The following DNAAF8 variants were observed in gnomAD, a reference collection of about 807,000 sequenced individuals.
DNAAF8 encodes the protein dynein axonemal assembly factor 8, also known as dynein axonemal-associated protein 1.
A neutral mutation model predicts 54.6 loss-of-function variants in DNAAF8; 61 were observed. The ratio of observed to expected loss-of-function variants is 1.12; its 90% CI spans 0.91 to 1.38. DNAAF8 has a LOEUF of 1.38. DNAAF8 is among the 40% of genes most tolerant of loss of function. DNAAF8 has a pLI of 0.00. For synonymous variants in DNAAF8, 320 were observed against 270.1 expected (o/e 1.18, Z -1.81); for missense variants, 837 against 665.0 (o/e 1.26, Z -2.85).
chr16:4,739,265 G>GTTTTTTGTTTTTTTTTTT (rs2081931651), intron 3 of DNAAF8, among the ~76,000 whole-genome samples: 1 of 69,030 alleles, frequency 1.4e-5, no homozygotes, highest in Non-Finnish European at 2.6e-5. Flanking sequence ...ATTTTTTCTT[G>GTTTTTTGTTTTTTTTTTT]TTTTTTTTTT....
intron 1 of DNAAF8, 139 bp from the exon 2 acceptor site, chr16:4,736,325 G>A (rs547426515): frequency 9.4e-5 from 47 of 500,712 alleles, no homozygotes; most frequent in Non-Finnish European, 1.3e-4. Context: ...ACTAACAGGA[G>A]CTTGCATAAC....
At chr16:4,735,932 G>T (rs2081889684) in intron 1 of DNAAF8, among the ~76,000 whole-genome samples, 1 of 152,110 alleles carries the variant, frequency 6.6e-6, no homozygotes, top group Non-Finnish European at 1.5e-5. Flanking sequence ...CTCTAGCCTG[G>T]GCGACAAAGC....
Position 4,740,608 on chromosome 16 carries a change from C to T in DNAAF8, c.732C>T (p.Ser244=). Residue 244 remains serine (S), a synonymous_variant, in exon 4 of 10, where the codon TCC becomes TCT. Coordinates refer to ENST00000299320, the MANE Select transcript of DNAAF8 (RefSeq NM_139170.3). ...PCHAAESAPR[S]KMPLVEPPEG... is the part of the protein sequence containing the mutation. ...ACGCTGCGGAGTCAGCTCCCAGATC[C>T]AAAATGCCCCTCGTGGAGCCTCCGG... 6.2e-7 allele frequency: 1 copy of T among 1,612,430 alleles called. No homozygotes were observed. Among genetic ancestry groups the T allele is most frequent in the East Asian group, 2.2e-5 (1 of 44,872 alleles).
intron 2 of DNAAF8, among the ~76,000 whole-genome samples, chr16:4,737,176 C>T (rs1186042381): frequency 1.3e-5 from 2 of 152,098 alleles, no homozygotes; most frequent in Admixed American, 6.6e-5. Flanking sequence ...GCTCAGTGCA[C>T]AGGTTGGCAC....
chr16:4,735,598 C>CT (rs1219952633), intron 1 of DNAAF8, among the ~76,000 whole-genome samples: 9 of 151,134 alleles, frequency 6.0e-5, no homozygotes, highest in East Asian at 3.9e-4. Flanking sequence ...CTTTAAGACT[C>CT]TAAGATATAA....
intron 1 of DNAAF8, 61 bp from the exon 2 acceptor site, chr16:4,736,403 C>G: frequency 1.7e-6 from 2 of 1,209,386 alleles, no homozygotes; most frequent in Non-Finnish European, 2.2e-6. Context: ...GGTAGAGCAG[C>G]CCCTGCTCTC....
In DNAAF8 at chr16:4,738,119, T is replaced by A. The variant is rs2081918796; in HGVS notation, c.276+173T>A. 3 of 814,194 alleles carry A rather than the reference T, an allele frequency of 3.7e-6. No individual in the cohort carries two copies. The South Asian group carries it at 6.1e-5, about 17-fold the overall frequency. The allele number at this position is 814,194 out of a possible 1,614,324, so 50.4% of individuals were successfully genotyped here. A position where few individuals can be genotyped will look rare whatever the true frequency, so the allele number is the denominator to read the frequency against. On this transcript the variant is annotated intron_variant, in intron 3 of 9. Coordinates refer to ENST00000299320, the MANE Select transcript of DNAAF8 (RefSeq NM_139170.3). ...GCCCAACATCTAACCTCCACGCACCTCCCTCTCCTGGGGAGCCCGGCACCT... is the reference window on the plus strand; with the variant it reads ...GCCCAACATCTAACCTCCACGCACCACCCTCTCCTGGGGAGCCCGGCACCT...
chr16:4,743,027 G>A lies in DNAAF8; in HGVS notation c.784-16G>A, dbSNP rs745636327. Reference sequence around the variant, plus strand: ...CCCCTCAGCATCCTCATAATCACTGGTTTTAATGATTTCAGCAACTTGAAG... The same window carrying A: ...CCCCTCAGCATCCTCATAATCACTGATTTTAATGATTTCAGCAACTTGAAG... On this transcript the variant is annotated splice_polypyrimidine_tract_variant and intron_variant, in intron 4 of 9. Transcript: ENST00000299320. 1.3e-6 allele frequency: 2 copies of A among 1,577,176 alleles called. No individual in the cohort carries two copies. The highest frequency in any genetic ancestry group is 2.2e-5 in the South Asian group (2 of 90,086).
At chr16:4,747,784 G>A in intron 9 of DNAAF8, 150 bp downstream of exon 9, 3 of 885,588 alleles carry the variant, frequency 3.4e-6, no homozygotes, top group Non-Finnish European at 4.9e-6. Context: ...CCCTGTTAGA[G>A]CTCAGTCACA....
At chr16:4,741,375 G>A (rs534027109) in intron 4 of DNAAF8, among the ~76,000 whole-genome samples, 1 of 152,306 alleles carries the variant, frequency 6.6e-6, no homozygotes, top group East Asian at 1.9e-4. Context: ...ACCTGGTTCT[G>A]TCAAAGCCTG....
intron 9 of DNAAF8, 70 bp downstream of exon 9, chr16:4,747,704 G>C: frequency 6.8e-7 from 1 of 1,467,474 alleles, no homozygotes; most frequent in Non-Finnish European, 9.1e-7. Flanking sequence ...GTGTCCCCTT[G>C]TTGTTCCTGC....
In DNAAF8 at chr16:4,737,913, C is replaced by G; in HGVS notation, c.243C>G (p.Ala81=). ...EDPADGDKSR[A]WVAAAEESLP... ...CTGCCGATGGCGACAAGTCCAGGGC[C>G]TGGGTCGCTGCAGCTGAAGAGTCCC... is the stretch of plus-strand genomic sequence containing the variant. Residue 81 remains alanine, a synonymous_variant, in exon 3 of 10, where the codon GCC becomes GCG. Transcript: ENST00000299320. 1.2e-6 allele frequency: 2 copies of G among 1,614,236 alleles called. No individual in the cohort carries two copies. The highest frequency in any genetic ancestry group is 2.2e-5 in the South Asian group (2 of 91,086).
chr16:4,737,597 G>A (rs1426649392), intron 2 of DNAAF8, among the ~76,000 whole-genome samples: 1 of 152,180 alleles, frequency 6.6e-6, no homozygotes, highest in Non-Finnish European at 1.5e-5. Flanking sequence ...ATTTCTAAAC[G>A]GTGGCAAGAA....
chr16:4,736,729 C>G (rs1318519741), intron 2 of DNAAF8, 86 bp downstream of exon 2: 1 of 1,296,284 alleles, frequency 7.7e-7, no homozygotes, highest in Non-Finnish European at 1.0e-6. Flanking sequence ...GAGCACTTCT[C>G]TGAAGACTTT....
chr16:4,744,770 A>G (rs2081992002), intron 5 of DNAAF8, 100 bp from the exon 6 acceptor site: 11 of 1,413,272 alleles, frequency 7.8e-6, no homozygotes, highest in Non-Finnish European at 1.1e-5. Context: ...CCTGAGGTCC[A>G]TTCACATGTG....
intron 5 of DNAAF8, chr16:4,743,425 T>TTCTTCCCCTCTTCCCC (rs2081976560): frequency 6.9e-6 from 2 of 290,844 alleles, no homozygotes; most frequent in African/African-American, 4.5e-5. Context: ...CCATGACCCA[T>TTCTTCCCCTCTTCCCC]ACCTCCTCTT....
intron 6 of DNAAF8, among the ~76,000 whole-genome samples, chr16:4,745,704 A>G (rs1158794752): frequency 2.0e-5 from 3 of 152,176 alleles, no homozygotes; most frequent in Non-Finnish European, 4.4e-5. Context: ...TAATCCCGGC[A>G]CTTTGGAAGG....
chr16:4,740,789 T>C, intron 4 of DNAAF8, 130 bp downstream of exon 4: 2 of 1,185,482 alleles, frequency 1.7e-6, no homozygotes, highest in Non-Finnish European at 2.3e-6. Context: ...TATCCACCAT[T>C]CTGTGTACCT....
At chr16:4,744,279 G>T (rs1445101420) in intron 5 of DNAAF8, among the ~76,000 whole-genome samples, 1 of 152,104 alleles carries the variant, frequency 6.6e-6, no homozygotes, top group East Asian at 1.9e-4. Flanking sequence ...TCAAGCTATT[G>T]CAATTAGAAA....
Sources: allele counts gnomAD v4.1 joint callset (sites outside exome capture counted in the v4.1 genomes callset), GRCh38; gene constraint gnomAD v4.1.1; transcripts MANE v1.5; gene names NCBI Gene and HGNC (gene_info 2026-07-23, HGNC 2026-07-21).